AK5: variants seen among roughly 807,000 people sequenced by gnomAD.
AK5 encodes adenylate kinase isoenzyme 5.
AK5 carries 27 observed loss-of-function variants against 69.5 expected under a neutral mutation model. The observed-to-expected ratio is 0.39, with a 90% CI of 0.29 to 0.54. AK5 has a LOEUF of 0.54. Ranked by LOEUF, AK5 falls within the 20% of genes least tolerant of loss-of-function variation. The pLI, the probability that AK5 is intolerant of heterozygous loss-of-function variation, is 0.71. For synonymous variants in AK5, 260 were observed against 244.4 expected (o/e 1.06, Z -0.60); for missense variants, 531 against 700.4 (o/e 0.76, Z 2.73).
intron 8 of AK5, among the ~76,000 whole-genome samples, chr1:77,453,675 T>A (rs1441434243): frequency 1.3e-5 from 2 of 152,238 alleles, no homozygotes; most frequent in Non-Finnish European, 2.9e-5. Context: ...CTACTATATT[T>A]CTTCCTCTTC....
chr1:77,414,458 G>C (rs1570529728), intron 7 of AK5, among the ~76,000 whole-genome samples: 1 of 152,120 alleles, frequency 6.6e-6, no homozygotes, highest in African/African-American at 2.4e-5. Context: ...GATCCACTAG[G>C]AGGAAAAACA....
chr1:77,297,930 C>G lies in AK5; in HGVS notation c.682C>G (p.Leu228Val), dbSNP rs1659107425. 6.2e-7 allele frequency: 1 copy of G among 1,611,170 alleles called. No individual in the cohort carries two copies. Among genetic ancestry groups the G allele is most frequent in the East Asian group, 2.2e-5 (1 of 44,804 alleles). The change falls in exon 5 of 14, where the codon CTA becomes GTA. Residue 228 changes from leucine to valine, a missense_variant. By Grantham distance (32) the Leu-to-Val change is conservative (BLOSUM62 1). Transcript: ENST00000354567. ...ATTTCCAAGAGATGTTGCCCAGGCT[C>G]TATCTTTTGAGGACCAAGTAAGAAT... ...DGFPRDVAQA[L>V]SFEDQICTPD... is the part of the protein sequence containing the mutation.
intron 10 of AK5, among the ~76,000 whole-genome samples, chr1:77,496,588 A>T (rs974825429): frequency 2.0e-5 from 3 of 152,158 alleles, no homozygotes; most frequent in African/African-American, 7.2e-5. Context: ...GACCATAAAG[A>T]TCCATTATGG....
intron 6 of AK5, among the ~76,000 whole-genome samples, chr1:77,367,662 ATG>A (rs1181423228): frequency 2.1e-5 from 2 of 95,578 alleles, no homozygotes; most frequent in Admixed American, 3.0e-4. Context: ...TGTTATATAT[ATG>A]TTATATATAA....
intron 5 of AK5, among the ~76,000 whole-genome samples, chr1:77,329,901 C>A (rs923367899): frequency 1.3e-5 from 2 of 152,214 alleles, no homozygotes; most frequent in African/African-American, 2.4e-5. Context: ...TCTGTCAGCT[C>A]TTAGCTGCCC....
At chr1:77,475,430 TATATG>T (rs1227101803) in intron 8 of AK5, among the ~76,000 whole-genome samples, 208 of 4,962 alleles carry the variant, frequency 0.042, 7 homozygotes, top group African/African-American at 0.073. Context: ...ATATATTATA[TATATG>T]TATATATATT....
chr1:77,511,893 G>A (rs17100655), intron 10 of AK5, among the ~76,000 whole-genome samples: 3,443 of 152,272 alleles, frequency 0.023, 103 homozygotes, highest in African/African-American at 0.079. Flanking sequence ...AGGTCATAAC[G>A]ACAGCAAGGA....
At chr1:77,417,029 GTACC>G (rs923865264) in intron 7 of AK5, among the ~76,000 whole-genome samples, 4 of 152,098 alleles carry the variant, frequency 2.6e-5, no homozygotes, top group Non-Finnish European at 5.9e-5. Flanking sequence ...GAAACCTGTA[GTACC>G]TAAGGGAAAT....
At chr1:77,512,336 A>G (rs964222528) in intron 10 of AK5, among the ~76,000 whole-genome samples, 1 of 152,198 alleles carries the variant, frequency 6.6e-6, no homozygotes, top group Non-Finnish European at 1.5e-5. Flanking sequence ...ATTAATGGCT[A>G]GTTCCCAAAT....
chr1:77,435,644 CAAA>C (rs1202203579), intron 8 of AK5, among the ~76,000 whole-genome samples: 6 of 66,046 alleles, frequency 9.1e-5, no homozygotes, highest in Non-Finnish European at 6.3e-5. Context: ...GACTCTGTCT[CAAA>C]AAAAAAAAAA....
chr1:77,544,064 T>C (rs1659417755), intron 13 of AK5, among the ~76,000 whole-genome samples: 1 of 152,218 alleles, frequency 6.6e-6, no homozygotes. Flanking sequence ...TATAGCCTAC[T>C]ACACACGACA....
chr1:77,318,821 T>C (rs1660376121), intron 5 of AK5, among the ~76,000 whole-genome samples: 1 of 152,090 alleles, frequency 6.6e-6, no homozygotes, highest in African/African-American at 2.4e-5. Flanking sequence ...CAGCAAATTA[T>C]GTTACAATTT....
chr1:77,558,318 A>C (rs1265574381), intron 13 of AK5, among the ~76,000 whole-genome samples: 1 of 152,182 alleles, frequency 6.6e-6, no homozygotes, highest in Non-Finnish European at 1.5e-5. Flanking sequence ...TCCCACAAGC[A>C]ATGAGTGAGA....
chr1:77,429,445 G>A (rs1297559264), intron 8 of AK5, among the ~76,000 whole-genome samples: 1 of 152,090 alleles, frequency 6.6e-6, no homozygotes, highest in African/African-American at 2.4e-5. Context: ...TTTTTGATGG[G>A]GTTGTTTTTT....
chr1:77,505,633 G>A (rs367663479), intron 10 of AK5, among the ~76,000 whole-genome samples: 9 of 152,096 alleles, frequency 5.9e-5, no homozygotes, highest in Admixed American at 2.6e-4. Flanking sequence ...TTGAGAGACC[G>A]AGGCAAGTGG....
intron 8 of AK5, among the ~76,000 whole-genome samples, chr1:77,452,130 C>T (rs1287468354): frequency 2.6e-5 from 4 of 152,126 alleles, no homozygotes; most frequent in Admixed American, 6.6e-5. Context: ...TTTATATCCC[C>T]GTAATCATCT....
rs1652537203 is a variant in AK5 at position 77,444,246 on chromosome 1, CACAACATATGTGTATATATATAGTATAT to C, written c.1059+26533_1059+26560del. Among the ~76,000 whole-genome samples, 3 of 26,102 alleles carry C rather than the reference CACAACATATGTGTATATATATAGTATAT, an allele frequency of 1.1e-4. No homozygotes were observed. In the East Asian group the frequency reaches 2.0e-3, roughly 18 times the overall value. 17.1% of individuals were successfully genotyped at this position (26,102 alleles called of 152,430 possible). On this transcript the variant is annotated intron_variant, in intron 8 of 13. Coordinates refer to ENST00000354567, the MANE Select transcript of AK5 (RefSeq NM_174858.3). ...TGTATATATATATAGTATATATATA[CACAACATATGTGTATATATATAGTATAT>C]ATACACAACATATGTGTATATATAT...
rs72677895 is a variant in AK5 at position 77,310,199 on chromosome 1, G to A, written c.699+12252G>A. On this transcript the variant is annotated intron_variant, in intron 5 of 13. Transcript: ENST00000354567. ...GTCCAAAGAACGTTTGTTGACTTGC[G>A]CATCTTTTCCTTCATTGAAATGACT... 9.8e-3 allele frequency among the ~76,000 whole-genome samples: 1,496 copies of A among 152,168 alleles called. 13 individuals are homozygous for A. The highest frequency in any genetic ancestry group is 0.016 in the Non-Finnish European group (1,111 of 68,012).
At chr1:77,303,002 T>C (rs1053287986) in intron 5 of AK5, among the ~76,000 whole-genome samples, 1 of 152,224 alleles carries the variant, frequency 6.6e-6, no homozygotes, top group Non-Finnish European at 1.5e-5. Context: ...TTTAGTTTTT[T>C]TGATATAGTA....
Sources: gnomAD v4.1 joint callset for allele counts (sites outside exome capture counted in the v4.1 genomes callset) on GRCh38, gnomAD v4.1.1 for gene constraint, MANE v1.5 for transcripts, NCBI Gene and HGNC (gene_info 2026-07-23, HGNC 2026-07-21) for gene names.